OTUD7A: variants seen among roughly 807,000 people sequenced by gnomAD.
OTUD7A encodes the protein OTU deubiquitinase 7A, also known as OTU domain-containing protein 7A.
In OTUD7A, 12 loss-of-function variants were observed where a neutral mutation model predicts 65.7. That is an observed-to-expected ratio of 0.18 (90% CI 0.12 to 0.30). The LOEUF is 0.30. Among genes scored for constraint, OTUD7A ranks in the 10% least tolerant of loss-of-function variants. The pLI is 1.00. For synonymous variants in OTUD7A, 641 were observed against 586.3 expected (o/e 1.09, Z -1.35); for missense variants, 1,148 against 1,304.8 (o/e 0.88, Z 1.85).
intron 3 of OTUD7A, among the ~76,000 whole-genome samples, chr15:31,641,477 A>G (rs1891514816): frequency 1.3e-5 from 2 of 152,210 alleles, no homozygotes; most frequent in Non-Finnish European, 2.9e-5. Context: ...TTCTACATAA[A>G]AAGCTGGCTT....
intron 1 of OTUD7A, among the ~76,000 whole-genome samples, chr15:31,661,138 ACACT>A (rs1892151949): frequency 6.6e-6 from 1 of 152,248 alleles, no homozygotes; most frequent in African/African-American, 2.4e-5. Context: ...TCCTTAGTTG[ACACT>A]CACTTATTAT....
intron 1 of OTUD7A, among the ~76,000 whole-genome samples, chr15:31,666,233 T>G (rs1892317077): frequency 6.6e-6 from 1 of 152,158 alleles, no homozygotes; most frequent in Non-Finnish European, 1.5e-5. Context: ...AATTCTGCTG[T>G]GAATCCATCT....
chr15:31,826,078 T>C (rs1158164889), intron 1 of OTUD7A, among the ~76,000 whole-genome samples: 3 of 152,218 alleles, frequency 2.0e-5, no homozygotes, highest in African/African-American at 7.2e-5. Context: ...TCAGTGGATC[T>C]ACCATTCTGG....
chr15:31,740,573 G>T (rs905709052), intron 1 of OTUD7A, among the ~76,000 whole-genome samples: 24 of 152,078 alleles, frequency 1.6e-4, no homozygotes, highest in African/African-American at 5.8e-4. Context: ...AATTCTCAAT[G>T]TATTTTGAAA....
At chr15:31,742,131 A>G (rs1001204560) in intron 1 of OTUD7A, among the ~76,000 whole-genome samples, 1 of 152,098 alleles carries the variant, frequency 6.6e-6, no homozygotes, top group East Asian at 1.9e-4. Flanking sequence ...CTCAACAAAT[A>G]AAGAAATAAT....
At chr15:31,664,673 C>T (rs1892270366) in intron 1 of OTUD7A, among the ~76,000 whole-genome samples, 1 of 152,150 alleles carries the variant, frequency 6.6e-6, no homozygotes, top group Non-Finnish European at 1.5e-5. Flanking sequence ...TAAGTCCCAG[C>T]TATTTATCTT....
At chr15:31,610,563 C>G (rs1242520747) in intron 3 of OTUD7A, among the ~76,000 whole-genome samples, 1 of 134,858 alleles carries the variant, frequency 7.4e-6, no homozygotes, top group African/African-American at 2.8e-5. Flanking sequence ...GGCCACAAAA[C>G]AAGCCTCAAT....
At position 31,484,850 on chromosome 15, in the gene OTUD7A, C is replaced by T; in HGVS notation, c.1372-126G>A. 1 of 1,451,502 alleles carries T rather than the reference C, an allele frequency of 6.9e-7. No homozygotes were observed. Among genetic ancestry groups the T allele is most frequent in the Non-Finnish European group, 9.1e-7 (1 of 1,101,712 alleles). The allele number at this position is 1,451,502 out of a possible 1,614,324, so 89.9% of individuals were successfully genotyped here. On this transcript the variant is annotated intron_variant, in intron 12 of 12. Transcript: ENST00000307050. The surrounding 1 kb of genome is among the most constrained non-coding windows in gnomAD (Gnocchi z 4.5). Reference sequence around the variant, plus strand: ...CCCTGGACCTTCACTGTCCCAGTCCCCACTGTCGCTCTGGTGACTGTGACA... The same window carrying T: ...CCCTGGACCTTCACTGTCCCAGTCCTCACTGTCGCTCTGGTGACTGTGACA...
At position 31,532,175 on chromosome 15, in the gene OTUD7A, C is replaced by A. The variant is rs150101576; in HGVS notation, c.551-1367G>T. ...AGAACCAGGAAGATTTCAAACAGAA[C>A]AAGAAAAGATATGAAAACTGAGATG... On this transcript the variant is annotated intron_variant, in intron 5 of 12. Transcript: ENST00000307050. Among the ~76,000 whole-genome samples the A allele has an allele frequency of 3.3e-3, 509 of 152,136 alleles. 4 individuals carry two copies. The highest frequency in any genetic ancestry group is 0.012 in the African/African-American group (489 of 41,488).
chr15:31,503,577 G>A, intron 9 of OTUD7A, 114 bp downstream of exon 9: 1 of 1,378,152 alleles, frequency 7.3e-7, no homozygotes. Flanking sequence ...TCTTTGCACA[G>A]AGTGATGCTT....
intron 1 of OTUD7A, among the ~76,000 whole-genome samples, chr15:31,678,070 G>A (rs1892632605): frequency 6.6e-6 from 1 of 152,256 alleles, no homozygotes; most frequent in African/African-American, 2.4e-5. Context: ...TTAGCAAAGA[G>A]ACTGGTGGCA....
intron 1 of OTUD7A, among the ~76,000 whole-genome samples, chr15:31,729,407 T>C (rs11637217): frequency 0.2 from 31,155 of 152,190 alleles, 3,653 homozygotes; most frequent in Admixed American, 0.28. Context: ...AACAGCATGG[T>C]GACTTCAATG....
chr15:31,811,556 T>C (rs924376914), intron 1 of OTUD7A, among the ~76,000 whole-genome samples: 3 of 151,942 alleles, frequency 2.0e-5, no homozygotes, highest in South Asian at 2.1e-4. Context: ...TGTATGTGAG[T>C]GTGCGTTTAT....
At chr15:31,692,941 C>T (rs1446906470) in intron 1 of OTUD7A, among the ~76,000 whole-genome samples, 11 of 151,276 alleles carry the variant, frequency 7.3e-5, no homozygotes, top group Non-Finnish European at 1.6e-4. Context: ...GGGACAGACA[C>T]TTTTCCTGGC....
intron 1 of OTUD7A, among the ~76,000 whole-genome samples, chr15:31,823,712 C>T (rs1488949240): frequency 6.6e-6 from 1 of 152,136 alleles, no homozygotes. Flanking sequence ...GCACGTGTAC[C>T]TTAGAACCTA....
At chr15:31,526,253 C>T (rs1305817721) in intron 8 of OTUD7A, 96 bp downstream of exon 8, 4 of 1,227,078 alleles carry the variant, frequency 3.3e-6, no homozygotes, top group Non-Finnish European at 4.5e-6. Flanking sequence ...CACAAGAGTC[C>T]CACATTCCCC....
At chr15:31,853,043 G>A (rs1259153813) in intron 1 of OTUD7A, among the ~76,000 whole-genome samples, 1 of 152,206 alleles carries the variant, frequency 6.6e-6, no homozygotes, top group African/African-American at 2.4e-5. Flanking sequence ...GCTCTGCAAG[G>A]AAGGGCCTGG....
At chr15:31,545,594 C>A (rs1468434607) in intron 5 of OTUD7A, among the ~76,000 whole-genome samples, 2 of 151,970 alleles carry the variant, frequency 1.3e-5, no homozygotes, top group Non-Finnish European at 2.9e-5. Context: ...GGGTAAAAAA[C>A]CTGAAAAGGC....
intron 1 of OTUD7A, among the ~76,000 whole-genome samples, chr15:31,677,140 C>T (rs1040112803): frequency 4.6e-5 from 7 of 152,158 alleles, no homozygotes; most frequent in Admixed American, 2.6e-4. Context: ...CCACTGCATC[C>T]CCACTTCTCC....
Sources: gnomAD v4.1 joint callset for allele counts (sites outside exome capture counted in the v4.1 genomes callset) on GRCh38, gnomAD v4.1.1 for gene constraint, Gnocchi (gnomAD v3.1) non-coding constraint, MANE v1.5 for transcripts, NCBI Gene and HGNC (gene_info 2026-07-23, HGNC 2026-07-21) for gene names.